PDE3A: variants seen among roughly 807,000 people sequenced by gnomAD.
PDE3A encodes the protein phosphodiesterase 3A.
PDE3A carries 43 observed loss-of-function variants against 98.3 expected under a neutral mutation model. The observed-to-expected ratio is 0.44, with a 90% CI of 0.34 to 0.56. The LOEUF is 0.56. Among genes scored for constraint, PDE3A ranks in the 20% least tolerant of loss-of-function variants. PDE3A has a pLI of 0.01. For missense variants in PDE3A, 1,427 were observed against 1,440.7 expected (o/e 0.99, Z 0.15); for synonymous variants, 663 against 567.9 (o/e 1.17, Z -2.38).
Position 20,629,977 on chromosome 12 carries a change from G to T in PDE3A, c.1610G>T (p.Ser537Ile). 6.2e-7 allele frequency: 1 copy of T among 1,614,026 alleles called. No individual in the cohort carries two copies. The highest frequency in any genetic ancestry group is 8.5e-7 in the Non-Finnish European group (1 of 1,179,978). The stretch of plus-strand genomic sequence containing the variant: ...CCTCTCCAAGGGACTCCTGCCAGCA[G>T]CCTGGTCAGCAAAATTTCTGCAGTG... ...SSPLQGTPAS[S>I]LVSKISAVQF... Residue 537 changes from serine (S) to isoleucine (I), a missense_variant, in exon 6 of 16, where the codon AGC becomes ATC. Physicochemically the swap from Ser to Ile is moderately radical, Grantham distance 142. Transcript: ENST00000359062.
At chr12:20,641,825 G>T (rs1051365198) in intron 10 of PDE3A, among the ~76,000 whole-genome samples, 2 of 152,070 alleles carry the variant, frequency 1.3e-5, no homozygotes, top group African/African-American at 4.8e-5. Context: ...CAGGTGAAAA[G>T]AACTTGTTGT....
In PDE3A at chr12:20,552,406, G is replaced by C. The variant is rs1457815586; in HGVS notation, c.961-4254G>C. ...TGATGAGCCCGGCCCTTGGACGAAG[G>C]AGGGGAAGGACCGGATCAAGAAGCT... On this transcript the variant is annotated intron_variant, in intron 1 of 15. Transcript: ENST00000359062. This position sits in a 1 kb window ranked among gnomAD's most constrained non-coding sequence, Gnocchi z 5.1. The C allele has an allele frequency of 6.2e-7, 1 of 1,613,198 alleles. No homozygotes were observed. Among genetic ancestry groups the C allele is most frequent in the Admixed American group, 1.7e-5 (1 of 59,998 alleles).
chr12:20,488,601 G>C (rs1406634036), intron 1 of PDE3A, among the ~76,000 whole-genome samples: 1 of 152,090 alleles, frequency 6.6e-6, no homozygotes, highest in Non-Finnish European at 1.5e-5. Flanking sequence ...GGGAGGCCGA[G>C]GGGGAAGAAT....
At chr12:20,450,180 G>A in intron 1 of PDE3A, 1 of 321,432 alleles carries the variant, frequency 3.1e-6, no homozygotes, top group Non-Finnish European at 6.0e-6. Context: ...TTGATGCTTT[G>A]CATTAGTTTG....
chr12:20,436,506 A>C (rs147047245), intron 1 of PDE3A, among the ~76,000 whole-genome samples: 1 of 152,310 alleles, frequency 6.6e-6, no homozygotes, highest in African/African-American at 2.4e-5. Context: ...ATAACAGACC[A>C]AAAATGACTG....
chr12:20,426,877 C>T (rs1197572094), intron 1 of PDE3A, among the ~76,000 whole-genome samples: 1 of 152,056 alleles, frequency 6.6e-6, no homozygotes, highest in African/African-American at 2.4e-5. Context: ...TGGGCTTGGG[C>T]AGTAAAGGAA....
chr12:20,584,705 A>C (rs916051800), intron 2 of PDE3A, among the ~76,000 whole-genome samples: 1 of 152,194 alleles, frequency 6.6e-6, no homozygotes, highest in Non-Finnish European at 1.5e-5. Flanking sequence ...TTTTGACCCA[A>C]GCTCAGACTT....
chr12:20,641,008 A>T (rs986313807), intron 10 of PDE3A, among the ~76,000 whole-genome samples: 1 of 152,158 alleles, frequency 6.6e-6, no homozygotes, highest in East Asian at 1.9e-4. Flanking sequence ...TAAAGAGCTG[A>T]AATTACATTA....
In PDE3A at chr12:20,391,526, C is replaced by T. The variant is rs1202809622; in HGVS notation, c.960+21282C>T. On this transcript the variant is annotated intron_variant, in intron 1 of 15. Coordinates refer to ENST00000359062, the MANE Select transcript of PDE3A (RefSeq NM_000921.5). ...TAAGTTTCCCACATTGTACAATCTTCAATGCTTTCACTACTCTTCTAGACT... is the reference window on the plus strand; with the variant it reads ...TAAGTTTCCCACATTGTACAATCTTTAATGCTTTCACTACTCTTCTAGACT... Among the ~76,000 whole-genome samples the T allele has an allele frequency of 9.3e-5, 14 of 151,252 alleles. No homozygotes were observed. In the Admixed American group the frequency reaches 9.3e-4, roughly 10 times the overall value.
At chr12:20,526,474 A>C (rs1946521709) in intron 1 of PDE3A, among the ~76,000 whole-genome samples, 1 of 152,226 alleles carries the variant, frequency 6.6e-6, no homozygotes, top group South Asian at 2.1e-4. Context: ...AAGTGTTACA[A>C]TTATAGCAAG....
At chr12:20,673,202 A>G (rs920364129) in intron 15 of PDE3A, among the ~76,000 whole-genome samples, 3 of 152,200 alleles carry the variant, frequency 2.0e-5, no homozygotes, top group Admixed American at 2.0e-4. Flanking sequence ...AGGAAACCAC[A>G]GGTACTGGAA....
intron 1 of PDE3A, among the ~76,000 whole-genome samples, chr12:20,547,041 A>G (rs550892030): frequency 1.3e-5 from 2 of 152,060 alleles, no homozygotes; most frequent in Non-Finnish European, 2.9e-5. Context: ...TGCTGCTCCT[A>G]AGGTACCATT....
chr12:20,465,984 A>C (rs1180524319), intron 1 of PDE3A, among the ~76,000 whole-genome samples: 2 of 152,216 alleles, frequency 1.3e-5, no homozygotes, highest in Non-Finnish European at 2.9e-5. Context: ...GAAGTGGTGC[A>C]GAGCCCGTTG....
At chr12:20,557,816 C>T (rs1942408531) in intron 2 of PDE3A, among the ~76,000 whole-genome samples, 1 of 152,058 alleles carries the variant, frequency 6.6e-6, no homozygotes, top group African/African-American at 2.4e-5. Flanking sequence ...TTATGCCTTA[C>T]TTTATTTCCC....
chr12:20,489,109 T>C (rs570985029), intron 1 of PDE3A, among the ~76,000 whole-genome samples: 1 of 152,324 alleles, frequency 6.6e-6, no homozygotes, highest in Non-Finnish European at 1.5e-5. Context: ...TGAATCTGAA[T>C]TGGGCTATGT....
chr12:20,529,237 G>C (rs1228904283), intron 1 of PDE3A, among the ~76,000 whole-genome samples: 1 of 152,104 alleles, frequency 6.6e-6, no homozygotes, highest in Non-Finnish European at 1.5e-5. Context: ...CTTTCATTCA[G>C]CAAGTGCTAT....
chr12:20,496,819 A>AT (rs1945928327), intron 1 of PDE3A, among the ~76,000 whole-genome samples: 1 of 152,184 alleles, frequency 6.6e-6, no homozygotes, highest in African/African-American at 2.4e-5. Flanking sequence ...TGGCTGCAGG[A>AT]TTTTTTAAAA....
At chr12:20,636,124 C>A (rs1490013226) in intron 8 of PDE3A, among the ~76,000 whole-genome samples, 1 of 152,118 alleles carries the variant, frequency 6.6e-6, no homozygotes, top group African/African-American at 2.4e-5. Flanking sequence ...GAACATGAAC[C>A]AATATTTGTT....
At chr12:20,562,442 T>A (rs919307422) in intron 2 of PDE3A, among the ~76,000 whole-genome samples, 1 of 151,816 alleles carries the variant, frequency 6.6e-6, no homozygotes, top group African/African-American at 2.4e-5. Flanking sequence ...ATGATTTCGA[T>A]CTCCTGACCT....
Sources: allele counts gnomAD v4.1 joint callset (sites outside exome capture counted in the v4.1 genomes callset), GRCh38; gene constraint gnomAD v4.1.1; non-coding constraint Gnocchi (gnomAD v3.1); transcripts MANE v1.5; gene names NCBI Gene and HGNC (gene_info 2026-07-23, HGNC 2026-07-21).